Variants in CACUL1 observed in about 807,000 individuals in gnomAD.
The protein encoded by CACUL1 is CDK2 associated cullin domain 1, also known as CDK2-associated and cullin domain-containing protein 1.
CACUL1 carries 13 observed loss-of-function variants against 45.2 expected under a neutral mutation model. That is an observed-to-expected ratio of 0.29 (90% CI 0.19 to 0.46). The LOEUF (loss-of-function observed/expected upper bound fraction) is 0.46, where lower values mean the gene tolerates loss of function less well. Ranked by LOEUF, CACUL1 falls within the 20% of genes least tolerant of loss-of-function variation. CACUL1 has a pLI of 1.00. For synonymous variants in CACUL1, 197 were observed against 174.2 expected (o/e 1.13, Z -1.03); for missense variants, 421 against 471.4 (o/e 0.89, Z 0.99).
intron 7 of CACUL1, 152 bp from the exon 8 acceptor site, chr10:118,686,793 A>AC: frequency 1.6e-6 from 1 of 636,734 alleles, no homozygotes; most frequent in Non-Finnish European, 2.8e-6. Flanking sequence ...ATCCTGATGT[A>AC]CCTCACTATG....
intron 1 of CACUL1, among the ~76,000 whole-genome samples, chr10:118,745,278 T>C (rs28836792): frequency 0.18 from 27,397 of 151,818 alleles, 3,126 homozygotes; most frequent in African/African-American, 0.3. Context: ...AGGAAAAGGG[T>C]TGGGCCCAGT....
At position 118,730,353 on chromosome 10, in the gene CACUL1, C is replaced by T; in HGVS notation, c.425G>A (p.Gly142Asp). 6.2e-7 allele frequency: 1 copy of T among 1,613,770 alleles called. No homozygotes were observed. Among genetic ancestry groups the T allele is most frequent in the Non-Finnish European group, 8.5e-7 (1 of 1,179,678 alleles). The change falls in exon 2 of 9, where the codon GGT becomes GAT. Residue 142 changes from glycine to aspartate, a missense_variant. By Grantham distance (94) the Gly-to-Asp change is moderately conservative. Coordinates refer to ENST00000369151, the MANE Select transcript of CACUL1 (RefSeq NM_153810.5). ...YKSTYWPKLD[G>D]AIDQLLTQSP... ...CTGAGTTAAAAGTTGATCTATGGCA[C>T]CATCCAATTTTGGCCAGTATGTGCT... is the stretch of plus-strand genomic sequence containing the variant.
At chr10:118,754,083 G>A (rs1845926531) in intron 1 of CACUL1, among the ~76,000 whole-genome samples, 1 of 152,220 alleles carries the variant, frequency 6.6e-6, no homozygotes, top group Non-Finnish European at 1.5e-5. Flanking sequence ...TGCGAAAAGA[G>A]CTTCCCAATG....
chr10:118,712,676 G>A (rs529920590), intron 3 of CACUL1, among the ~76,000 whole-genome samples: 1 of 152,332 alleles, frequency 6.6e-6, no homozygotes, highest in East Asian at 1.9e-4. Context: ...CTAGCAGAAA[G>A]GGTAGCTCCT....
Position 118,747,844 on chromosome 10 carries a change from G to A in CACUL1, c.367+6552C>T, listed in dbSNP as rs1478323182. On this transcript the variant is annotated intron_variant, in intron 1 of 8. Transcript: ENST00000369151. ...TTACAACTGTAATCCCAGCACTCTG[G>A]GAGTCCAAGGCAGGTAGATCACTTG... Among the ~76,000 whole-genome samples, 3 of 152,116 alleles carry A rather than the reference G, an allele frequency of 2.0e-5. No homozygotes were observed. The East Asian group carries it at 5.8e-4, about 29-fold the overall frequency.
At chr10:118,695,108 G>T in intron 6 of CACUL1, 33 bp downstream of exon 6, 1 of 1,261,372 alleles carries the variant, frequency 7.9e-7, no homozygotes, top group Non-Finnish European at 1.2e-6. Context: ...GTAACAAACA[G>T]TTCCAATCCC....
At chr10:118,721,630 C>A (rs1384203310) in intron 3 of CACUL1, among the ~76,000 whole-genome samples, 2 of 152,042 alleles carry the variant, frequency 1.3e-5, no homozygotes, top group Non-Finnish European at 2.9e-5. Context: ...TTAGTAATAT[C>A]GGCGCTAATC....
chr10:118,726,619 C>T (rs2119635370), intron 3 of CACUL1, among the ~76,000 whole-genome samples: 1 of 152,190 alleles, frequency 6.6e-6, no homozygotes, highest in East Asian at 1.9e-4. Context: ...CAGATGGACA[C>T]AAATGAGCTT....
At chr10:118,707,154 T>C (rs1478145883) in intron 4 of CACUL1, among the ~76,000 whole-genome samples, 1 of 152,216 alleles carries the variant, frequency 6.6e-6, no homozygotes, top group Non-Finnish European at 1.5e-5. Flanking sequence ...GCATTTTACT[T>C]TCTGAGGACA....
At chr10:118,747,009 T>C (rs1192777259) in intron 1 of CACUL1, among the ~76,000 whole-genome samples, 3 of 152,116 alleles carry the variant, frequency 2.0e-5, no homozygotes, top group South Asian at 4.2e-4. Flanking sequence ...CCCCACCTCC[T>C]GTCAGATCAG....
intron 7 of CACUL1, among the ~76,000 whole-genome samples, chr10:118,690,608 G>C (rs1290334493): frequency 6.6e-6 from 1 of 152,172 alleles, no homozygotes; most frequent in African/African-American, 2.4e-5. Flanking sequence ...AGAATTTAAA[G>C]CCTCTATGCT....
intron 7 of CACUL1, among the ~76,000 whole-genome samples, chr10:118,689,625 A>G (rs1417103731): frequency 6.6e-6 from 1 of 152,162 alleles, no homozygotes; most frequent in African/African-American, 2.4e-5. Context: ...TGCAGACACA[A>G]TGCAACCTGA....
chr10:118,711,872 A>G (rs1845488735), intron 3 of CACUL1, among the ~76,000 whole-genome samples: 4 of 152,228 alleles, frequency 2.6e-5, no homozygotes. Flanking sequence ...CTTCTAAAAT[A>G]AACCTAAACT....
intron 5 of CACUL1, among the ~76,000 whole-genome samples, chr10:118,696,977 G>GC (rs1162722444): frequency 1.9e-4 from 27 of 145,108 alleles, no homozygotes; most frequent in Admixed American, 1.4e-3. Context: ...AATCCCCTAT[G>GC]TCAAATTTGA....
rs1168113494 is a variant in CACUL1 at position 118,754,485 on chromosome 10, CTCT to C, written c.275_277del (p.Lys92del). On this transcript the variant is annotated inframe_deletion, in exon 1 of 9. Coordinates refer to ENST00000369151, the MANE Select transcript of CACUL1 (RefSeq NM_153810.5). ...GGCCACGGCGGCGGCCGCGTCGCAG[CTCT>C]TCAACATCATGATCACCCCATTAGC... 2.5e-6 allele frequency: 4 copies of C among 1,612,438 alleles called. No homozygotes were observed. The highest frequency in any genetic ancestry group is 3.4e-6 in the Non-Finnish European group (4 of 1,179,298).
At chr10:118,715,915 T>A (rs1052387901) in intron 3 of CACUL1, among the ~76,000 whole-genome samples, 1 of 152,156 alleles carries the variant, frequency 6.6e-6, no homozygotes, top group Non-Finnish European at 1.5e-5. Flanking sequence ...TTGAAATTTT[T>A]AAAAATTTAA....
rs772392737 is a variant in CACUL1, at chr10:118,681,392, G to C, written c.*4736C>G. On this transcript the variant is annotated 3_prime_UTR_variant, in exon 9 of 9. Transcript: ENST00000369151. The stretch of plus-strand genomic sequence containing the variant: ...TCCTGAAGTGTGTGGCTGTAATATT[G>C]ACAAATAGAACTAATGAGAGTGAAC... 1 of 152,178 alleles carries C rather than the reference G, an allele frequency of 6.6e-6. No individual in the cohort carries two copies. Among genetic ancestry groups the C allele is most frequent in the Non-Finnish European group, 1.5e-5 (1 of 68,034 alleles). 9.4% of individuals were successfully genotyped at this position (152,178 alleles called of 1,614,324 possible). A position where few individuals can be genotyped will look rare whatever the true frequency, so the allele number is the denominator to read the frequency against.
chr10:118,692,473 T>C (rs1451463952), intron 6 of CACUL1: 2 of 152,162 alleles, frequency 1.3e-5, no homozygotes, highest in Non-Finnish European at 2.9e-5. Flanking sequence ...CCTGTTAATA[T>C]TTAAAAAAAT....
chr10:118,714,686 T>G (rs184952585), intron 3 of CACUL1, among the ~76,000 whole-genome samples: 18 of 152,320 alleles, frequency 1.2e-4, no homozygotes, highest in African/African-American at 4.3e-4. Context: ...CATAAGCACC[T>G]TTTCTCAAAA....
Sources: gnomAD v4.1 joint callset for allele counts (sites outside exome capture counted in the v4.1 genomes callset) on GRCh38, gnomAD v4.1.1 for gene constraint, MANE v1.5 for transcripts, NCBI Gene and HGNC (gene_info 2026-07-23, HGNC 2026-07-21) for gene names.